MAGI2: variants seen among roughly 807,000 people sequenced by gnomAD.
MAGI2 encodes membrane-associated guanylate kinase, WW and PDZ domain-containing protein 2.
A neutral mutation model predicts 133.3 loss-of-function variants in MAGI2; 35 were observed. That is an observed-to-expected ratio of 0.26 (90% confidence interval 0.20 to 0.35). The LOEUF is 0.35. Ranked by LOEUF, MAGI2 falls within the 10% of genes least tolerant of loss-of-function variation. The pLI is 1.00. For synonymous variants in MAGI2, 729 were observed against 710.6 expected, an observed-to-expected ratio of 1.03 and a Z score of -0.41; for missense variants, 1,636 against 1,863.4, an observed-to-expected ratio of 0.88 and a Z score of 2.25.
At chr7:78,953,278 C>T (rs948740706) in intron 2 of MAGI2, among the ~76,000 whole-genome samples, 1 of 152,226 alleles carries the variant, frequency 6.6e-6, no homozygotes, top group Non-Finnish European at 1.5e-5. Context: ...ATGTGGTGAA[C>T]GTGCATCAGC....
chr7:78,450,358 A>T (rs6957462), intron 6 of MAGI2, among the ~76,000 whole-genome samples: 1 of 151,960 alleles, frequency 6.6e-6, no homozygotes, highest in Admixed American at 6.6e-5. Flanking sequence ...AATAAAGGGG[A>T]AAGAAATGTC....
chr7:78,378,033 A>G (rs1318286283), intron 6 of MAGI2, among the ~76,000 whole-genome samples: 1 of 152,138 alleles, frequency 6.6e-6, no homozygotes, highest in African/African-American at 2.4e-5. Flanking sequence ...CATATTTAAA[A>G]GCTTTGAACA....
chr7:78,648,828 C>G (rs1300728180), intron 2 of MAGI2, among the ~76,000 whole-genome samples: 1 of 152,078 alleles, frequency 6.6e-6, no homozygotes, highest in African/African-American at 2.4e-5. Context: ...TATTTTAGTT[C>G]CAGGAATCCT....
At chr7:79,442,287 T>C (rs897366277) in intron 1 of MAGI2, among the ~76,000 whole-genome samples, 2 of 152,202 alleles carry the variant, frequency 1.3e-5, no homozygotes, top group African/African-American at 4.8e-5. Context: ...TCACTGATAA[T>C]TGAAAATTGA....
At chr7:78,965,028 T>C (rs1236833627) in intron 2 of MAGI2, among the ~76,000 whole-genome samples, 1 of 151,782 alleles carries the variant, frequency 6.6e-6, no homozygotes, top group African/African-American at 2.4e-5. Flanking sequence ...AAAAGAGAAA[T>C]CAGTTAGGGA....
chr7:79,160,940 G>T (rs937370342), intron 1 of MAGI2, among the ~76,000 whole-genome samples: 1 of 151,954 alleles, frequency 6.6e-6, no homozygotes, highest in African/African-American at 2.4e-5. Context: ...TATCAAATTT[G>T]CTGTCTCTCA....
Position 79,088,910 on chromosome 7 carries a change from C to T in MAGI2, c.302-81704G>A, listed in dbSNP as rs530254111. ...ATGGGCAAAGACTTCATGACTGAAA[C>T]ATCAAAAGCAATGGCAACAAAAGCC... is the stretch of plus-strand genomic sequence containing the variant. On this transcript the variant is annotated intron_variant, in intron 1 of 21. Transcript: ENST00000354212. Among the ~76,000 whole-genome samples the T allele has an allele frequency of 2.6e-5, 4 of 152,104 alleles. No homozygotes were observed. In the East Asian group the frequency reaches 7.8e-4, roughly 30 times the overall value.
chr7:78,683,248 G>A (rs1281789065), intron 2 of MAGI2, among the ~76,000 whole-genome samples: 1 of 152,122 alleles, frequency 6.6e-6, no homozygotes, highest in African/African-American at 2.4e-5. Context: ...CAATCAGGAG[G>A]ACCTATTTAG....
intron 1 of MAGI2, among the ~76,000 whole-genome samples, chr7:79,303,392 A>C (rs1251468534): frequency 6.6e-6 from 1 of 152,220 alleles, no homozygotes; most frequent in African/African-American, 2.4e-5. Context: ...GTACCTTGGG[A>C]TATTTATCTA....
At chr7:78,939,028 C>G (rs1285405543) in intron 2 of MAGI2, among the ~76,000 whole-genome samples, 1 of 152,176 alleles carries the variant, frequency 6.6e-6, no homozygotes, top group African/African-American at 2.4e-5. Context: ...AAGTCTCACT[C>G]TGACTCCCAG....
Position 79,209,092 on chromosome 7 carries a change from A to G in MAGI2, c.302-201886T>C, listed in dbSNP as rs146783607. On this transcript the variant is annotated intron_variant, in intron 1 of 21. Coordinates refer to ENST00000354212, the MANE Select transcript of MAGI2 (RefSeq NM_012301.4). ...AATTTCAGTTAGAAGAAATAAATGT[A>G]AGAGACCTATTGTACAACATGGTGA... is the stretch of plus-strand genomic sequence containing the variant. 8.0e-3 allele frequency among the ~76,000 whole-genome samples: 1,221 copies of G among 152,072 alleles called. 26 individuals carry two copies. Among genetic ancestry groups the G allele is most frequent in the African/African-American group, 0.027 (1,112 of 41,406 alleles).
intron 6 of MAGI2, among the ~76,000 whole-genome samples, chr7:78,379,374 G>C (rs1244870963): frequency 2.0e-5 from 3 of 151,862 alleles, no homozygotes; most frequent in African/African-American, 7.2e-5. Flanking sequence ...GGCAAAGATA[G>C]GCCTGACAAG....
At chr7:78,966,566 A>C (rs1185637485) in intron 2 of MAGI2, among the ~76,000 whole-genome samples, 1 of 151,962 alleles carries the variant, frequency 6.6e-6, no homozygotes, top group African/African-American at 2.4e-5. Flanking sequence ...TTCTTTATCT[A>C]CTCATCTGTT....
chr7:78,427,331 T>C (rs965698830), intron 6 of MAGI2, among the ~76,000 whole-genome samples: 1 of 152,082 alleles, frequency 6.6e-6, no homozygotes, highest in Admixed American at 6.6e-5. Context: ...AATCCAATTA[T>C]ATGCTGAGTA....
intron 2 of MAGI2, among the ~76,000 whole-genome samples, chr7:78,760,520 A>G (rs1288605255): frequency 6.6e-6 from 1 of 151,936 alleles, no homozygotes; most frequent in Non-Finnish European, 1.5e-5. Flanking sequence ...GCACCACCGT[A>G]CCTGGCTAAT....
chr7:78,277,828 A>T (rs1332228805), intron 9 of MAGI2, among the ~76,000 whole-genome samples: 1 of 152,154 alleles, frequency 6.6e-6, no homozygotes, highest in South Asian at 2.1e-4. Flanking sequence ...GAGACTATAG[A>T]TGTGGTGGCT....
At chr7:79,236,121 A>T (rs992458605) in intron 1 of MAGI2, among the ~76,000 whole-genome samples, 3 of 152,204 alleles carry the variant, frequency 2.0e-5, no homozygotes, top group Admixed American at 6.5e-5. Context: ...TAAGTCAGGA[A>T]AAAGCATACT....
At chr7:78,976,836 A>G (rs771970984) in intron 2 of MAGI2, among the ~76,000 whole-genome samples, 1 of 151,654 alleles carries the variant, frequency 6.6e-6, no homozygotes, top group Non-Finnish European at 1.5e-5. Flanking sequence ...TTGAAATTAA[A>G]AAAATACCAT....
At chr7:78,318,942 G>A (rs1235782817) in intron 9 of MAGI2, among the ~76,000 whole-genome samples, 3 of 152,158 alleles carry the variant, frequency 2.0e-5, no homozygotes, top group Non-Finnish European at 4.4e-5. Context: ...AACCAGGCCT[G>A]CCTTACAAGA....
Sources: allele counts gnomAD v4.1 joint callset (sites outside exome capture counted in the v4.1 genomes callset), GRCh38; gene constraint gnomAD v4.1.1; transcripts MANE v1.5; gene names NCBI Gene and HGNC (gene_info 2026-07-23, HGNC 2026-07-21).